NLRP11: variants seen among roughly 807,000 people sequenced by gnomAD.
NLRP11 encodes the protein NLR family pyrin domain containing 11, also known as NACHT, LRR and PYD domains-containing protein 11.
Under a neutral mutation model 79.3 loss-of-function variants are expected in NLRP11, and 53 were observed. That is an observed-to-expected ratio of 0.67 (90% CI 0.54 to 0.84). The LOEUF (loss-of-function observed/expected upper bound fraction) is 0.84, where lower values mean the gene tolerates loss of function less well. Ranked by LOEUF, NLRP11 falls within the 40% of genes least tolerant of loss-of-function variation. The pLI is 0.00. For synonymous variants in NLRP11, 518 were observed against 462.6 expected, an observed-to-expected ratio of 1.12 and a Z score of -1.54; for missense variants, 1,264 against 1,255.0, an observed-to-expected ratio of 1.01 and a Z score of -0.11.
Position 55,809,299 on chromosome 19 carries a change from C to T in NLRP11, c.1311G>A (p.Leu437=). ...AACGGTCTTTATGAGTGTTGCTCGG[C>T]AAAAGAATATTCGCGGCCTGCAACA... Residue 437 remains leucine (L), a synonymous_variant, in exon 3 of 10, where the codon TTG becomes TTA. Transcript: ENST00000589093. The surrounding 1 kb of genome is among the most constrained non-coding windows in gnomAD (Gnocchi z 4.5). The T allele has an allele frequency of 6.2e-7, 1 of 1,613,952 alleles. No homozygotes were observed. Among genetic ancestry groups the T allele is most frequent in the East Asian group, 2.2e-5 (1 of 44,878 alleles).
Position 55,817,897 on chromosome 19 carries a change from C to T in NLRP11, c.271+7G>A, listed in dbSNP as rs1600197514. 1 of 1,598,240 alleles carries T rather than the reference C, an allele frequency of 6.3e-7. No individual in the cohort carries two copies. Among genetic ancestry groups the T allele is most frequent in the Non-Finnish European group, 8.6e-7 (1 of 1,169,096 alleles). On this transcript the variant is annotated splice_region_variant and intron_variant, in intron 2 of 9. Transcript: ENST00000589093. ...TTTCTGCCCACCCTTCTCGTGACCC[C>T]ACTCACGGTTTCGTCTGCCAATGAT...
chr19:55,808,102 G>A (rs565240218), intron 3 of NLRP11, 88 bp from the exon 4 acceptor site: 22 of 879,904 alleles, frequency 2.5e-5, no homozygotes, highest in Non-Finnish European at 3.9e-5. Flanking sequence ...TGTTTTGAGA[G>A]TGCCTGTTGT....
chr19:55,787,879 A>T (rs1989981233), intron 9 of NLRP11, among the ~76,000 whole-genome samples: 1 of 152,230 alleles, frequency 6.6e-6, no homozygotes, highest in African/African-American at 2.4e-5. Context: ...CAGGAACTGA[A>T]TTCTGCCAAC....
Position 55,792,548 on chromosome 19 carries a change from C to G in NLRP11, c.2343-77G>C, listed in dbSNP as rs142880190. The stretch of plus-strand genomic sequence containing the variant: ...GCACCTGAGACCACCCACCCCACGC[C>G]CACGGGCGCCTCGATGCCTTCTACT... On this transcript the variant is annotated intron_variant, in intron 6 of 9. Transcript: ENST00000589093. The G allele has an allele frequency of 1.2e-3, 1,384 of 1,156,392 alleles. 12 individuals carry two copies. The African/African-American group carries it at 0.018, about 15-fold the overall frequency. The allele number at this position is 1,156,392 out of a possible 1,614,324, so 71.6% of individuals were successfully genotyped here. A position where few individuals can be genotyped will look rare whatever the true frequency, so the allele number is the denominator to read the frequency against.
At chr19:55,787,336 C>A (rs1989940934) in intron 9 of NLRP11, among the ~76,000 whole-genome samples, 1 of 152,132 alleles carries the variant, frequency 6.6e-6, no homozygotes, top group African/African-American at 2.4e-5. Flanking sequence ...ATAAGCAAGA[C>A]CTGTGATTTG....
chr19:55,818,276 T>G (rs1981343152), intron 1 of NLRP11, 40 bp from the exon 2 acceptor site: 3 of 869,728 alleles, frequency 3.4e-6, no homozygotes, highest in African/African-American at 3.4e-5. Context: ...AACCACACAG[T>G]AATGCCAATT....
In NLRP11 at chr19:55,788,981, C is replaced by T; in HGVS notation, c.2685-4G>A. The T allele has an allele frequency of 6.2e-7, 1 of 1,613,704 alleles. No individual in the cohort carries two copies. Among genetic ancestry groups the T allele is most frequent in the African/African-American group, 1.3e-5 (1 of 74,944 alleles). ...GGTTAACATGCACTCTTCTAGCCTG[C>T]AACGAAGATGCACAGGTAAGGTGGG... On this transcript the variant is annotated splice_region_variant and splice_polypyrimidine_tract_variant and intron_variant, in intron 8 of 9. Transcript: ENST00000589093.
At chr19:55,804,846 C>T (rs111366281) in intron 4 of NLRP11, among the ~76,000 whole-genome samples, 3,782 of 152,124 alleles carry the variant, frequency 0.025, 60 homozygotes, top group South Asian at 0.07. Context: ...AGGTGGATCA[C>T]GAGGTCAAGA....
intron 4 of NLRP11, 88 bp from the exon 5 acceptor site, chr19:55,801,827 A>T: frequency 9.1e-7 from 1 of 1,095,484 alleles, no homozygotes. Context: ...TTCATCCTGT[A>T]ACAAAGATTC....
chr19:55,814,975 T>A (rs1410489596), intron 2 of NLRP11, among the ~76,000 whole-genome samples: 2 of 152,200 alleles, frequency 1.3e-5, no homozygotes, highest in African/African-American at 4.8e-5. Context: ...CATCAAGTTG[T>A]ACACCTTAAG....
chr19:55,818,026 T>G, exon 2 of NLRP11: 1 of 1,614,174 alleles, frequency 6.2e-7, no homozygotes, highest in Non-Finnish European at 8.5e-7. Flanking sequence ...AGCCAGTTCT[T>G]CTTTTGTCAT....
intron 2 of NLRP11, 33 bp downstream of exon 2, chr19:55,817,871 A>G: frequency 6.5e-7 from 1 of 1,540,002 alleles, no homozygotes; most frequent in Non-Finnish European, 8.8e-7. Flanking sequence ...AAGTGCCCTG[A>G]TTTCTGCCCA....
chr19:55,835,922 G>A (rs558401080), upstream of NLRP11, among the ~76,000 whole-genome samples: 1 of 152,348 alleles, frequency 6.6e-6, no homozygotes, highest in South Asian at 2.1e-4. Flanking sequence ...TCAAGGGTTC[G>A]AGACCAGCCT....
chr19:55,822,468 A>G (rs1361096448), intron 1 of NLRP11, among the ~76,000 whole-genome samples: 1 of 152,212 alleles, frequency 6.6e-6, no homozygotes, highest in Admixed American at 6.5e-5. Context: ...GCAACGCAGA[A>G]GACGGGTGAT....
intron 9 of NLRP11, among the ~76,000 whole-genome samples, chr19:55,786,579 C>T (rs372230616): frequency 1.6e-4 from 25 of 152,282 alleles, no homozygotes; most frequent in African/African-American, 5.8e-4. Context: ...GCAGCCCATG[C>T]TCATGTTTCT....
In NLRP11 at chr19:55,809,300, A is replaced by G. The variant is rs754238506; in HGVS notation, c.1310T>C (p.Leu437Ser). Reference sequence around the variant, plus strand: ...ACGGTCTTTATGAGTGTTGCTCGGCAAAAGAATATTCGCGGCCTGCAACAC... The same window carrying G: ...ACGGTCTTTATGAGTGTTGCTCGGCGAAAGAATATTCGCGGCCTGCAACAC... The change falls in exon 3 of 10, where the codon TTG becomes TCG. Residue 437 changes from leucine to serine, a missense_variant. Leu to Ser is a moderately radical substitution (Grantham distance 145, BLOSUM62 -2). Transcript: ENST00000589093. The surrounding 1 kb of genome is among the most constrained non-coding windows in gnomAD (Gnocchi z 4.5). The G allele has an allele frequency of 8.7e-6, 14 of 1,613,920 alleles. No individual in the cohort carries two copies. The Admixed American group carries it at 2.3e-4, about 27-fold the overall frequency.
At position 55,785,976 on chromosome 19, in the gene NLRP11, G is replaced by T. The variant is rs917034927; in HGVS notation, c.2856-105C>A. On this transcript the variant is annotated intron_variant, in intron 9 of 9. Transcript: ENST00000589093. ...TATGGCATCCTTTGGGTATTCTTGG[G>T]AGTATCTCAAGCCATCTCTGAGGAA... 2.2e-5 allele frequency: 28 copies of T among 1,260,392 alleles called. No individual in the cohort carries two copies. The African/African-American group carries it at 3.5e-4, about 16-fold the overall frequency. 78.1% of individuals were successfully genotyped at this position (1,260,392 alleles called of 1,614,324 possible).
rs553358750 is a variant in NLRP11 at position 55,795,934 on chromosome 19, T to C, written c.2342+146A>G. ...CAAATCAGCTGTCAACCCAGAGTATTAACCCAGACCTACTGAACTCCAAAG... is the reference window on the plus strand; with the variant it reads ...CAAATCAGCTGTCAACCCAGAGTATCAACCCAGACCTACTGAACTCCAAAG... On this transcript the variant is annotated intron_variant, in intron 6 of 9. Transcript: ENST00000589093. The C allele has an allele frequency of 1.4e-4, 92 of 675,890 alleles. No homozygotes were observed. In the East Asian group the frequency reaches 1.8e-3, roughly 13 times the overall value. The allele number at this position is 675,890 out of a possible 1,614,324, so 41.9% of individuals were successfully genotyped here. A position where few individuals can be genotyped will look rare whatever the true frequency, so the allele number is the denominator to read the frequency against.
intron 9 of NLRP11, among the ~76,000 whole-genome samples, chr19:55,786,414 A>C (rs1600169138): frequency 6.6e-6 from 1 of 151,964 alleles, no homozygotes; most frequent in African/African-American, 2.4e-5. Context: ...GGTCCCAGCT[A>C]TTTGGGAGGC....
Sources: gnomAD v4.1 joint callset for allele counts (sites outside exome capture counted in the v4.1 genomes callset) on GRCh38, gnomAD v4.1.1 for gene constraint, Gnocchi (gnomAD v3.1) non-coding constraint, MANE v1.5 for transcripts, NCBI Gene and HGNC (gene_info 2026-07-23, HGNC 2026-07-21) for gene names.